The following BBOX1 variants were observed in gnomAD, a reference collection of about 807,000 sequenced individuals.
BBOX1 encodes the protein gamma-butyrobetaine hydroxylase 1, also known as gamma-butyrobetaine dioxygenase.
In BBOX1, 35 loss-of-function variants were observed where a neutral mutation model predicts 41.6. The ratio of observed to expected loss-of-function variants is 0.84; its 90% CI spans 0.64 to 1.11. The LOEUF is 1.11. Ranked by LOEUF, BBOX1 falls within the 50% of genes most tolerant of loss-of-function variation. BBOX1 has a pLI of 0.00. For synonymous variants in BBOX1, 163 were observed against 154.7 expected, an observed-to-expected ratio of 1.05 and a Z score of -0.40; for missense variants, 458 against 460.6, an observed-to-expected ratio of 0.99 and a Z score of 0.05.
intron 5 of BBOX1, among the ~76,000 whole-genome samples, chr11:27,100,601 A>G (rs1287261408): frequency 2.0e-5 from 3 of 152,116 alleles, no homozygotes; most frequent in Non-Finnish European, 4.4e-5. Flanking sequence ...GTAACAAGCT[A>G]TGTTCTTTGA....
At chr11:27,082,471 A>C (rs1235454054) in intron 4 of BBOX1, among the ~76,000 whole-genome samples, 2 of 152,134 alleles carry the variant, frequency 1.3e-5, no homozygotes, top group African/African-American at 4.8e-5. Context: ...TGCCAACTCT[A>C]AGGAAGTCTG....
chr11:27,126,523 G>T (rs1198379792), intron 8 of BBOX1, among the ~76,000 whole-genome samples: 1 of 152,130 alleles, frequency 6.6e-6, no homozygotes, highest in Non-Finnish European at 1.5e-5. Flanking sequence ...CTTCATGTGT[G>T]AAAAGATGAG....
intron 6 of BBOX1, among the ~76,000 whole-genome samples, chr11:27,116,325 G>C (rs553979424): frequency 3.0e-4 from 46 of 151,882 alleles, no homozygotes; most frequent in African/African-American, 9.4e-4. Flanking sequence ...CTGTTGGGGG[G>C]GTTGGGAGGA....
intron 5 of BBOX1, among the ~76,000 whole-genome samples, chr11:27,111,502 A>T (rs1249335181): frequency 6.6e-6 from 1 of 151,904 alleles, no homozygotes; most frequent in Non-Finnish European, 1.5e-5. Flanking sequence ...AAAAGCTGAA[A>T]TTATTTTTTA....
At chr11:27,057,064 T>TCAAAAAAAAAAAAAAAAAAAAAA (rs749866128) in intron 3 of BBOX1, 137 bp from the exon 4 acceptor site, 1 of 140,696 alleles carries the variant, frequency 7.1e-6, no homozygotes, top group Non-Finnish European at 1.2e-5. Context: ...GACTCCGACT[T>TCAAAAAAAAAAAAAAAAAAAAAA]AAAAAAAAAA....
chr11:27,042,999 GC>G (rs1851380300), intron 2 of BBOX1, among the ~76,000 whole-genome samples: 1 of 152,136 alleles, frequency 6.6e-6, no homozygotes, highest in Non-Finnish European at 1.5e-5. Flanking sequence ...AAGCTGAAAT[GC>G]CAGATGGTGA....
At chr11:27,085,131 T>C (rs7124982) in intron 4 of BBOX1, among the ~76,000 whole-genome samples, 10,813 of 152,224 alleles carry the variant, frequency 0.071, 1,278 homozygotes, top group African/African-American at 0.24. Context: ...TTTCAACACA[T>C]ACAAAGTTAA....
chr11:27,113,932 G>A (rs984816775), intron 5 of BBOX1, among the ~76,000 whole-genome samples: 1 of 151,592 alleles, frequency 6.6e-6, no homozygotes, highest in Non-Finnish European at 1.5e-5. Flanking sequence ...TAGAAATAAA[G>A]GCATCCAAGT....
At chr11:27,044,658 C>G (rs1590159065) in intron 2 of BBOX1, among the ~76,000 whole-genome samples, 1 of 152,158 alleles carries the variant, frequency 6.6e-6, no homozygotes, top group Non-Finnish European at 1.5e-5. Flanking sequence ...ATATGGCTAG[C>G]CAGTTTTCCC....
chr11:27,057,825 C>T (rs991959721), intron 4 of BBOX1, among the ~76,000 whole-genome samples: 1 of 152,048 alleles, frequency 6.6e-6, no homozygotes, highest in Non-Finnish European at 1.5e-5. Flanking sequence ...CACACACATG[C>T]ACACAAAGCC....
At chr11:27,097,400 G>T (rs753116054) in intron 5 of BBOX1, among the ~76,000 whole-genome samples, 5 of 151,926 alleles carry the variant, frequency 3.3e-5, no homozygotes, top group Non-Finnish European at 5.9e-5. Context: ...TGTTTTTTCA[G>T]AATGTATCCT....
chr11:27,098,949 C>T lies in BBOX1; in HGVS notation c.533+5583C>T, dbSNP rs191266801. ...ACTGTCATGTTGAGCTTCTTATAGG[C>T]ATAAATGGTGGCGTAATCAAGGTCG... is the stretch of plus-strand genomic sequence containing the variant. On this transcript the variant is annotated intron_variant, in intron 5 of 8. Coordinates refer to ENST00000263182, the MANE Select transcript of BBOX1 (RefSeq NM_003986.3). Among the ~76,000 whole-genome samples, 3 of 152,018 alleles carry T rather than the reference C, an allele frequency of 2.0e-5. No individual in the cohort carries two copies. The East Asian group carries it at 5.8e-4, about 29-fold the overall frequency.
intron 4 of BBOX1, among the ~76,000 whole-genome samples, chr11:27,076,170 C>T (rs914396376): frequency 5.9e-5 from 9 of 152,222 alleles, no homozygotes; most frequent in African/African-American, 2.2e-4. Context: ...GGCTGCCACA[C>T]TCCAGGTTGG....
chr11:27,124,216 G>T (rs1859564900), intron 7 of BBOX1, among the ~76,000 whole-genome samples: 1 of 152,146 alleles, frequency 6.6e-6, no homozygotes, highest in Non-Finnish European at 1.5e-5. Flanking sequence ...CCTTGGCCCT[G>T]GTCAGTTGTT....
chr11:27,055,589 T>C lies in BBOX1; in HGVS notation c.159T>C (p.Leu53=). The change falls in exon 3 of 9, where the codon CTT becomes CTC. Residue 53 remains leucine, a synonymous_variant. Coordinates refer to ENST00000263182, the MANE Select transcript of BBOX1 (RefSeq NM_003986.3). ...CYLDSAKARK[L]LVEALDVNIG... Reference sequence around the variant, plus strand: ...TGGATTCTGCAAAAGCACGGAAACTTCTAGTGGAAGCTCTTGATGTGAACA... The same window carrying C: ...TGGATTCTGCAAAAGCACGGAAACTCCTAGTGGAAGCTCTTGATGTGAACA... 6.2e-7 allele frequency: 1 copy of C among 1,614,162 alleles called. No homozygotes were observed. Among genetic ancestry groups the C allele is most frequent in the Non-Finnish European group, 8.5e-7 (1 of 1,180,018 alleles).
chr11:27,071,838 G>C (rs1404290172), intron 4 of BBOX1, among the ~76,000 whole-genome samples: 1 of 152,228 alleles, frequency 6.6e-6, no homozygotes, highest in African/African-American at 2.4e-5. Flanking sequence ...TATCTCAATA[G>C]ATGCAGAAAA....
chr11:27,042,448 G>A (rs1851369120), intron 2 of BBOX1, among the ~76,000 whole-genome samples: 1 of 152,174 alleles, frequency 6.6e-6, no homozygotes, highest in Admixed American at 6.5e-5. Flanking sequence ...AAACTCTTGG[G>A]TTCAAGCGAT....
chr11:27,119,261 A>C (rs914372737), intron 6 of BBOX1, among the ~76,000 whole-genome samples: 1 of 151,896 alleles, frequency 6.6e-6, no homozygotes, highest in East Asian at 1.9e-4. Context: ...CCCTTTGCCT[A>C]ACTTACCCGC....
chr11:27,109,593 G>A (rs139079147), intron 5 of BBOX1, among the ~76,000 whole-genome samples: 3 of 152,148 alleles, frequency 2.0e-5, no homozygotes, highest in Non-Finnish European at 4.4e-5. Flanking sequence ...GCAGGAAAGT[G>A]TGTAGTGCTA....
Sources: gnomAD v4.1 joint callset for allele counts (sites outside exome capture counted in the v4.1 genomes callset) on GRCh38, gnomAD v4.1.1 for gene constraint, MANE v1.5 for transcripts, NCBI Gene and HGNC (gene_info 2026-07-23, HGNC 2026-07-21) for gene names.